ZNF667: variants seen among roughly 807,000 people sequenced by gnomAD.
ZNF667 encodes zinc finger protein 667.
In ZNF667, 13 loss-of-function variants were observed where a neutral mutation model predicts 31.8. The ratio of observed to expected loss-of-function variants is 0.41; its 90% CI spans 0.27 to 0.65. The LOEUF is 0.65. Ranked by LOEUF, ZNF667 falls within the 30% of genes least tolerant of loss-of-function variation. The pLI is 0.32. For synonymous variants in ZNF667, 228 were observed against 247.1 expected (o/e 0.92, Z 0.73); for missense variants, 642 against 725.6 (o/e 0.88, Z 1.32).
chr19:56,446,805 T>C (rs1046982807), intron 6 of ZNF667, among the ~76,000 whole-genome samples: 1 of 152,186 alleles, frequency 6.6e-6, no homozygotes. Flanking sequence ...ATTCCTCCTA[T>C]AGTCCTTCCC....
intron 6 of ZNF667, among the ~76,000 whole-genome samples, chr19:56,457,141 T>C (rs780320711): frequency 4.6e-5 from 7 of 152,232 alleles, no homozygotes; most frequent in Non-Finnish European, 8.8e-5. Flanking sequence ...ATACAAAATA[T>C]ATAACTTGGC....
At chr19:56,457,476 A>G (rs949184843) in intron 6 of ZNF667, among the ~76,000 whole-genome samples, 5 of 152,156 alleles carry the variant, frequency 3.3e-5, no homozygotes, top group Non-Finnish European at 5.9e-5. Flanking sequence ...GGGCAAGTCA[A>G]CAAACCTCTC....
At chr19:56,452,187 T>C (rs915834838) in intron 6 of ZNF667, among the ~76,000 whole-genome samples, 1 of 152,018 alleles carries the variant, frequency 6.6e-6, no homozygotes, top group Non-Finnish European at 1.5e-5. Flanking sequence ...TAGCTGGGAT[T>C]ACAGCCATCC....
intron 6 of ZNF667, among the ~76,000 whole-genome samples, chr19:56,455,632 C>A (rs972146721): frequency 6.6e-6 from 1 of 151,898 alleles, no homozygotes; most frequent in African/African-American, 2.4e-5. Context: ...GGAAGGGTAG[C>A]AGAAAAAAGG....
At position 56,441,123 on chromosome 19, in the gene ZNF667, G is replaced by T; in HGVS notation, c.*39C>A. 6.4e-7 allele frequency: 1 copy of T among 1,556,806 alleles called. No individual in the cohort carries two copies. The highest frequency in any genetic ancestry group is 1.2e-5 in the South Asian group (1 of 81,776). On this transcript the variant is annotated 3_prime_UTR_variant, in exon 7 of 7. Transcript: ENST00000504904. This position sits in a 1 kb window ranked among gnomAD's most constrained non-coding sequence, Gnocchi z 4.2. ...ACAAATACATATTTGCCATATGTTT[G>T]ATAGCCTCATTCGTTGATTTTATAG... is the stretch of plus-strand genomic sequence containing the variant.
intron 6 of ZNF667, among the ~76,000 whole-genome samples, chr19:56,447,205 A>G (rs749852943): frequency 2.6e-5 from 4 of 152,186 alleles, no homozygotes; most frequent in African/African-American, 4.8e-5. Flanking sequence ...AAATAAAAAG[A>G]CTTAGGAAAG....
rs71184363 is a variant in ZNF667, at chr19:56,451,868, CAAAAAAAAAAAA to C, written c.253+6275_253+6286del. On this transcript the variant is annotated intron_variant, in intron 6 of 6. Transcript: ENST00000504904. ...TGGGTGACAGAGCAAGACCCTGTCTCAAAAAAAAAAAAAAAAAAAAAAAAAAAAAAACTTTCA... is the reference window on the plus strand; with the variant it reads ...TGGGTGACAGAGCAAGACCCTGTCTCAAAAAAAAAAAAAAAAAAACTTTCA... Among the ~76,000 whole-genome samples, 302 of 80,942 alleles carry C rather than the reference CAAAAAAAAAAAA, an allele frequency of 3.7e-3. 2 individuals carry two copies. Among genetic ancestry groups the C allele is most frequent in the Admixed American group, 9.3e-3 (63 of 6,772 alleles). The allele number at this position is 80,942 out of a possible 152,430, so 53.1% of individuals were successfully genotyped here. A position where few individuals can be genotyped will look rare whatever the true frequency, so the allele number is the denominator to read the frequency against.
chr19:56,452,518 T>A (rs1350680091), intron 6 of ZNF667, among the ~76,000 whole-genome samples: 1 of 152,040 alleles, frequency 6.6e-6, no homozygotes, highest in Non-Finnish European at 1.5e-5. Flanking sequence ...AATAACCTAA[T>A]GATGCATCTT....
At chr19:56,454,873 C>A (rs931598271) in intron 6 of ZNF667, among the ~76,000 whole-genome samples, 1 of 151,760 alleles carries the variant, frequency 6.6e-6, no homozygotes, top group Non-Finnish European at 1.5e-5. Flanking sequence ...AAACAATCAA[C>A]AAAGTGAAGA....
chr19:56,439,867 C>G lies in ZNF667; in HGVS notation c.*1295G>C, dbSNP rs1480560775. 1 of 152,336 alleles carries G rather than the reference C, an allele frequency of 6.6e-6. No homozygotes were observed. Among genetic ancestry groups the G allele is most frequent in the Non-Finnish European group, 1.5e-5 (1 of 68,202 alleles). 9.4% of individuals were successfully genotyped at this position (152,336 alleles called of 1,614,324 possible). ...TGGAGACGGGGTTTCACCGTGTTAG[C>G]CAGGATTGTCTCAATCTCCTGACCT... On this transcript the variant is annotated 3_prime_UTR_variant, in exon 7 of 7. Transcript: ENST00000504904.
chr19:56,457,082 G>A (rs777504679), intron 6 of ZNF667, among the ~76,000 whole-genome samples: 9 of 151,972 alleles, frequency 5.9e-5, no homozygotes, highest in Admixed American at 3.3e-4. Context: ...CCTAGATGAC[G>A]CATCCCATCT....
At chr19:56,471,236 C>T (rs955097003) in intron 3 of ZNF667, among the ~76,000 whole-genome samples, 2 of 152,134 alleles carry the variant, frequency 1.3e-5, no homozygotes, top group Non-Finnish European at 2.9e-5. Context: ...GTAAAAGTTT[C>T]CTGATGCCTC....
At position 56,452,918 on chromosome 19, in the gene ZNF667, C is replaced by CAA. The variant is rs56144973; in HGVS notation, c.253+5235_253+5236dup. On this transcript the variant is annotated intron_variant, in intron 6 of 6. Coordinates refer to ENST00000504904, the MANE Select transcript of ZNF667 (RefSeq NM_001321356.2). ...TGGGTGACAGAGCAAGACTCTGTCT[C>CAA]AAAAAAAAAAAAATGCCACAAAAGA... 8.3e-3 allele frequency among the ~76,000 whole-genome samples: 788 copies of CAA among 94,670 alleles called. 2 individuals are homozygous for CAA. The highest frequency in any genetic ancestry group is 0.027 in the African/African-American group (730 of 26,668). The allele number at this position is 94,670 out of a possible 152,430, so 62.1% of individuals were successfully genotyped here.
intron 6 of ZNF667, among the ~76,000 whole-genome samples, chr19:56,453,016 A>G (rs958379979): frequency 2.0e-5 from 3 of 152,172 alleles, no homozygotes; most frequent in Admixed American, 1.3e-4. Context: ...AAAAAAAGAG[A>G]TAAGACCAGA....
Position 56,460,784 on chromosome 19 carries a change from T to A in ZNF667, c.65A>T (p.Tyr22Phe), listed in dbSNP as rs1169077730. The change falls in exon 5 of 7, where the codon TAC becomes TTC. Residue 22 changes from tyrosine to phenylalanine, a missense_variant. Transcript: ENST00000504904. ...APITFGDLAIYFSQEEWEWLS... is the reference protein window; with the variant it reads ...APITFGDLAIFFSQEEWEWLS... ...CCATTCCCACTCCTCCTGGGAGAAG[T>A]AGATGGCTAAGTCCCCAAATGTTAT... The A allele has an allele frequency of 6.2e-7, 1 of 1,609,818 alleles. No individual in the cohort carries two copies. Among genetic ancestry groups the A allele is most frequent in the Admixed American group, 1.7e-5 (1 of 59,132 alleles).
At chr19:56,464,712 G>C (rs929054081) in intron 3 of ZNF667, among the ~76,000 whole-genome samples, 3 of 152,242 alleles carry the variant, frequency 2.0e-5, no homozygotes, top group South Asian at 4.1e-4. Context: ...TATGTGGGTA[G>C]TACCTCCCCC....
At position 56,471,964 on chromosome 19, in the gene ZNF667, T is replaced by C. The variant is rs1386642502; in HGVS notation, c.-325A>G. The stretch of plus-strand genomic sequence containing the variant: ...TGAATCATGGGGGCGGTTTCCCCCA[T>C]GCTGTTCTCATGGCAGTGAGTAAGT... On this transcript the variant is annotated 5_prime_UTR_variant, in exon 3 of 7. The change abolishes an upstream ATG in the 5' untranslated region. Coordinates refer to ENST00000504904, the MANE Select transcript of ZNF667 (RefSeq NM_001321356.2). 1 of 152,220 alleles carries C rather than the reference T, an allele frequency of 6.6e-6. No individual in the cohort carries two copies. Among genetic ancestry groups the C allele is most frequent in the Non-Finnish European group, 1.5e-5 (1 of 68,056 alleles). The allele number at this position is 152,220 out of a possible 1,614,324, so 9.4% of individuals were successfully genotyped here. A position where few individuals can be genotyped will look rare whatever the true frequency, so the allele number is the denominator to read the frequency against.
chr19:56,467,023 T>C (rs922011346), intron 3 of ZNF667: 8 of 456,468 alleles, frequency 1.8e-5, no homozygotes, highest in Admixed American at 1.2e-4. Context: ...CCAAGAACCC[T>C]CTCTTATGGT....
At chr19:56,456,988 C>A (rs1231713462) in intron 6 of ZNF667, among the ~76,000 whole-genome samples, 1 of 152,088 alleles carries the variant, frequency 6.6e-6, no homozygotes, top group Non-Finnish European at 1.5e-5. Flanking sequence ...GTTACACACC[C>A]TCAGAACCTG....
Sources: gnomAD v4.1 joint callset for allele counts (sites outside exome capture counted in the v4.1 genomes callset) on GRCh38, gnomAD v4.1.1 for gene constraint, Gnocchi (gnomAD v3.1) non-coding constraint, MANE v1.5 for transcripts, NCBI Gene and HGNC (gene_info 2026-07-23, HGNC 2026-07-21) for gene names.